The following DSC3 variants were observed in gnomAD, a reference collection of about 807,000 sequenced individuals.
DSC3 encodes desmocollin 3.
In DSC3, 97 loss-of-function variants were observed where a neutral mutation model predicts 89.5. That is an observed-to-expected ratio of 1.08 (90% CI 0.92 to 1.28). The LOEUF (loss-of-function observed/expected upper bound fraction) is 1.28. Among genes scored for constraint, DSC3 ranks in the 50% most tolerant of loss-of-function variants. DSC3 has a pLI of 0.00. For synonymous variants in DSC3, 436 were observed against 384.1 expected (o/e 1.14, Z -1.58); for missense variants, 1,199 against 1,085.3 (o/e 1.10, Z -1.47).
chr18:30,996,752 G>T, intron 15 of DSC3, 39 bp downstream of exon 15: 1 of 1,610,010 alleles, frequency 6.2e-7, no homozygotes, highest in Non-Finnish European at 8.5e-7. Flanking sequence ...TCCATTCGGA[G>T]GTTTAAATTT....
At chr18:31,027,975 T>C (rs1002623900) in intron 4 of DSC3, among the ~76,000 whole-genome samples, 1 of 152,138 alleles carries the variant, frequency 6.6e-6, no homozygotes, top group African/African-American at 2.4e-5. Flanking sequence ...AGGCTGTTTT[T>C]AAGAGAAATA....
chr18:30,996,544 C>T (rs1455115343), intron 15 of DSC3, among the ~76,000 whole-genome samples: 5 of 151,526 alleles, frequency 3.3e-5, no homozygotes, highest in African/African-American at 1.2e-4. Flanking sequence ...AAAAATGAGA[C>T]GTTAGTGAAG....
chr18:31,004,027 T>A, intron 13 of DSC3, 115 bp downstream of exon 13: 1 of 789,782 alleles, frequency 1.3e-6, no homozygotes, highest in Admixed American at 2.4e-5. Context: ...CAAAAGGAAC[T>A]TGGAAAGAGA....
At chr18:31,000,215 G>T (rs1184766827) in intron 14 of DSC3, among the ~76,000 whole-genome samples, 1 of 151,894 alleles carries the variant, frequency 6.6e-6, no homozygotes, top group Non-Finnish European at 1.5e-5. Flanking sequence ...CGTTGTCCCT[G>T]GCTATAGCCT....
chr18:31,033,654 G>A (rs1163115169), intron 1 of DSC3, among the ~76,000 whole-genome samples: 3 of 152,160 alleles, frequency 2.0e-5, no homozygotes, highest in Non-Finnish European at 4.4e-5. Context: ...AAACTTGAGA[G>A]CAAATCTTTA....
chr18:31,017,004 A>C (rs1985257720), intron 9 of DSC3, among the ~76,000 whole-genome samples: 1 of 152,202 alleles, frequency 6.6e-6, no homozygotes, highest in African/African-American at 2.4e-5. Flanking sequence ...GTCCAAATAA[A>C]GACTAGATTG....
rs556768241 is a variant in DSC3 at position 31,018,607 on chromosome 18, G to C, written c.1077+59C>G. 209 of 1,537,498 alleles carry C rather than the reference G, an allele frequency of 1.4e-4. 2 individuals carry two copies. In the South Asian group the frequency reaches 2.2e-3, roughly 17 times the overall value. ...ATGAAGTATTAATTTTATTAATTCAGTTTAAATAAAAAATGATAGCAGATA... is the reference window on the plus strand; with the variant it reads ...ATGAAGTATTAATTTTATTAATTCACTTTAAATAAAAAATGATAGCAGATA... On this transcript the variant is annotated intron_variant, in intron 8 of 15. Transcript: ENST00000360428.
In DSC3 at chr18:31,039,860, G is replaced by A. The variant is rs761185545; in HGVS notation, c.69+2732C>T. Among the ~76,000 whole-genome samples, 14 of 152,108 alleles carry A rather than the reference G, an allele frequency of 9.2e-5. No individual in the cohort carries two copies. In the South Asian group the frequency reaches 1.2e-3, roughly 14 times the overall value. ...TGATAATGCATCAATCTAAATATAC[G>A]TATACTATAATTTTGACTTTTTTAA... On this transcript the variant is annotated intron_variant, in intron 1 of 15. Transcript: ENST00000360428.
rs1394527804 is a variant in DSC3, at chr18:31,008,417, C to G, written c.1372G>C (p.Val458Leu). The G allele has an allele frequency of 2.5e-6, 4 of 1,614,130 alleles. No homozygotes were observed. The highest frequency in any genetic ancestry group is 3.3e-4 in the Middle Eastern group (2 of 6,062). The change falls in exon 10 of 16, where the codon GTT becomes CTT. Residue 458 changes from valine to leucine, a missense_variant. Coordinates refer to ENST00000360428, the MANE Select transcript of DSC3 (RefSeq NM_001941.5). ...PRVTALNRAL[V>L]TVHVRDLDEG... is the part of the protein sequence containing the mutation. ...TCCAGATCCCTCACATGAACTGTAA[C>G]CAAGGCTCTGTTCAAGGCTGTCACT...
At chr18:31,011,788 T>A (rs974899751) in intron 9 of DSC3, among the ~76,000 whole-genome samples, 2 of 151,184 alleles carry the variant, frequency 1.3e-5, no homozygotes, top group South Asian at 2.1e-4. Context: ...AGCTCAGGAG[T>A]TCGAGACCAG....
chr18:31,001,578 A>T (rs201802811), intron 14 of DSC3, 40 bp downstream of exon 14: 4 of 1,599,730 alleles, frequency 2.5e-6, no homozygotes, highest in Admixed American at 1.7e-5. Context: ...GAATTAAATT[A>T]TCGGAGATAC....
intron 3 of DSC3, 150 bp from the exon 4 acceptor site, chr18:31,029,778 TTCTGCATTAGA>T: frequency 1.0e-6 from 1 of 963,948 alleles, no homozygotes; most frequent in Non-Finnish European, 1.6e-6. Context: ...AATAAAGTCT[TTCTGCATTAGA>T]AGGGTAAGAA....
chr18:31,019,927 A>C (rs1484832336), intron 7 of DSC3, among the ~76,000 whole-genome samples: 1 of 152,190 alleles, frequency 6.6e-6, no homozygotes, highest in Non-Finnish European at 1.5e-5. Flanking sequence ...TCTATATACA[A>C]GTTAAGAGAG....
Position 31,004,386 on chromosome 18 carries a change from G to T in DSC3, c.1889-20C>A. On this transcript the variant is annotated intron_variant, in intron 12 of 15. Transcript: ENST00000360428. ...CTGTATCTGAAAGAAAATAAAAGAA[G>T]TTTATTTTTTAATGATCATTTATTC... 1 of 1,593,182 alleles carries T rather than the reference G, an allele frequency of 6.3e-7. No individual in the cohort carries two copies. Among genetic ancestry groups the T allele is most frequent in the South Asian group, 1.1e-5 (1 of 90,546 alleles).
Position 31,030,960 on chromosome 18 carries a change from G to A in DSC3, c.354+13C>T, listed in dbSNP as rs368852248. The A allele has an allele frequency of 5.0e-5, 81 of 1,608,626 alleles. No homozygotes were observed. The African/African-American group carries it at 7.3e-4, about 15-fold the overall frequency. ...GAAAAAATGACTGAAAATATTTAAT[G>A]TACTTTAAATACCTTCTTCTGATGT... On this transcript the variant is annotated intron_variant, in intron 3 of 15. Coordinates refer to ENST00000360428, the MANE Select transcript of DSC3 (RefSeq NM_001941.5).
intron 1 of DSC3, among the ~76,000 whole-genome samples, chr18:31,041,903 C>T (rs1469251944): frequency 1.3e-5 from 2 of 152,118 alleles, no homozygotes; most frequent in Non-Finnish European, 2.9e-5. Flanking sequence ...GCCTCCACAC[C>T]TCGGCAGCAT....
rs1391045726 is a variant in DSC3 at position 30,992,177 on chromosome 18, G to T, written c.*1998C>A. On this transcript the variant is annotated 3_prime_UTR_variant, in exon 16 of 16. Coordinates refer to ENST00000360428, the MANE Select transcript of DSC3 (RefSeq NM_001941.5). ...CGAGACTCCGTCTCAAAAAAAAAAG[G>T]GGGGGGGGGGGGCAATAAAAAGTCT... is the stretch of plus-strand genomic sequence containing the variant. 3 of 3,248 alleles carry T rather than the reference G, an allele frequency of 9.2e-4. No individual in the cohort carries two copies. The East Asian group carries it at 0.056, about 60-fold the overall frequency. 0.2% of individuals were successfully genotyped at this position (3,248 alleles called of 1,614,324 possible).
chr18:31,011,537 AT>A (rs1985056987), intron 9 of DSC3, among the ~76,000 whole-genome samples: 1 of 152,200 alleles, frequency 6.6e-6, no homozygotes, highest in East Asian at 1.9e-4. Context: ...GAAGAGGAGG[AT>A]TCCTTTAGAG....
rs1290185998 is a variant in DSC3 at position 30,993,225 on chromosome 18, C to G, written c.*950G>C. 1 of 152,032 alleles carries G rather than the reference C, an allele frequency of 6.6e-6. No individual in the cohort carries two copies. Among genetic ancestry groups the G allele is most frequent in the Admixed American group, 6.5e-5 (1 of 15,268 alleles). The allele number at this position is 152,032 out of a possible 1,614,324, so 9.4% of individuals were successfully genotyped here. On this transcript the variant is annotated 3_prime_UTR_variant, in exon 16 of 16. Transcript: ENST00000360428. ...CGAAAAAAACACCTCATCTCTGGAC[C>G]CTTGCTACCAAAAAGCAGGGAACCC...
Sources: gnomAD v4.1 joint callset for allele counts (sites outside exome capture counted in the v4.1 genomes callset) on GRCh38, gnomAD v4.1.1 for gene constraint, MANE v1.5 for transcripts, NCBI Gene and HGNC (gene_info 2026-07-23, HGNC 2026-07-21) for gene names.